The following SH3RF3 variants were observed in gnomAD, a reference collection of about 807,000 sequenced individuals.
SH3RF3 encodes the protein SH3 domain containing ring finger 3, also known as E3 ubiquitin-protein ligase SH3RF3.
Under a neutral mutation model 66.3 loss-of-function variants are expected in SH3RF3, and 29 were observed. The ratio of observed to expected loss-of-function variants is 0.44; its 90% CI spans 0.33 to 0.60. The LOEUF is 0.60. Among genes scored for constraint, SH3RF3 ranks in the 20% least tolerant of loss-of-function variants. The pLI is 0.04. For missense variants in SH3RF3, 1,194 were observed against 1,190.9 expected (o/e 1.00, Z -0.04); for synonymous variants, 583 against 532.0 (o/e 1.10, Z -1.32).
At chr2:109,185,823 G>A (rs1322927938) in intron 1 of SH3RF3, among the ~76,000 whole-genome samples, 8 of 152,220 alleles carry the variant, frequency 5.3e-5, no homozygotes, top group African/African-American at 1.4e-4. Context: ...GGCACTGTAG[G>A]AGAAATGAGG....
At chr2:109,434,814 A>C (rs977315904) in intron 6 of SH3RF3, among the ~76,000 whole-genome samples, 1 of 152,240 alleles carries the variant, frequency 6.6e-6, no homozygotes, top group Non-Finnish European at 1.5e-5. Flanking sequence ...GGCTCCTTGC[A>C]TACCATGTTC....
At chr2:109,145,838 C>T (rs1329779711) in intron 1 of SH3RF3, among the ~76,000 whole-genome samples, 1 of 152,122 alleles carries the variant, frequency 6.6e-6, no homozygotes, top group Admixed American at 6.5e-5. Flanking sequence ...TTCCACATCA[C>T]CAGGCTGAAA....
chr2:109,269,141 G>A (rs950803387), intron 1 of SH3RF3, among the ~76,000 whole-genome samples: 2 of 152,316 alleles, frequency 1.3e-5, no homozygotes, highest in African/African-American at 4.8e-5. Flanking sequence ...GGAAGCGTGG[G>A]CATCATAGGC....
rs142026613 is a variant in SH3RF3 at position 109,293,790 on chromosome 2, C to T, written c.574-53884C>T. Among the ~76,000 whole-genome samples the T allele has an allele frequency of 2.1e-4, 32 of 152,328 alleles. 1 individual carries two copies. Among genetic ancestry groups the T allele is most frequent in the Admixed American group, 1.0e-3 (16 of 15,308 alleles). On this transcript the variant is annotated intron_variant, in intron 1 of 9. Coordinates refer to ENST00000309415, the MANE Select transcript of SH3RF3 (RefSeq NM_001099289.3). ...GCACCCTCTCCCAGCTGTAGGTGAA[C>T]GCTGGGGTTTTGTTACAGATCAGGA... is the stretch of plus-strand genomic sequence containing the variant.
intron 8 of SH3RF3, among the ~76,000 whole-genome samples, chr2:109,484,067 CTTTTT>C (rs562496561): frequency 9.9e-4 from 93 of 94,330 alleles, no homozygotes; most frequent in East Asian, 5.2e-3. Context: ...TCTGGCCTTT[CTTTTT>C]TTTTTTTTTT....
chr2:109,446,337 G>C (rs13412224), intron 7 of SH3RF3, among the ~76,000 whole-genome samples: 14,383 of 152,210 alleles, frequency 0.094, 2,163 homozygotes, highest in African/African-American at 0.31. Context: ...ACATGCCAGG[G>C]ACCATTGCGG....
At chr2:109,353,918 G>A (rs1471166025) in intron 2 of SH3RF3, among the ~76,000 whole-genome samples, 2 of 152,156 alleles carry the variant, frequency 1.3e-5, no homozygotes, top group Non-Finnish European at 2.9e-5. Context: ...TCCCTCTGGA[G>A]TTCAGATACG....
chr2:109,488,575 C>A (rs1480156069), intron 8 of SH3RF3, among the ~76,000 whole-genome samples: 3 of 152,222 alleles, frequency 2.0e-5, no homozygotes, highest in Non-Finnish European at 4.4e-5. Context: ...CACTCAGATC[C>A]CAGGGTTCTG....
At chr2:109,235,749 C>T (rs1364786144) in intron 1 of SH3RF3, among the ~76,000 whole-genome samples, 3 of 152,230 alleles carry the variant, frequency 2.0e-5, no homozygotes, top group Admixed American at 6.5e-5. Flanking sequence ...CTGATGACAA[C>T]ACTTGTTAGA....
At chr2:109,444,970 G>A (rs941905721) in intron 7 of SH3RF3, among the ~76,000 whole-genome samples, 2 of 152,116 alleles carry the variant, frequency 1.3e-5, no homozygotes, top group African/African-American at 4.8e-5. Context: ...AAAAATAGGT[G>A]GATGGCTATG....
chr2:109,491,012 A>T, intron 9 of SH3RF3, 76 bp downstream of exon 9: 1 of 1,330,410 alleles, frequency 7.5e-7, no homozygotes, highest in Non-Finnish European at 9.8e-7. Flanking sequence ...TTCGGGGAGC[A>T]GGGACACTGT....
chr2:109,260,260 T>TGA (rs1244376149), intron 1 of SH3RF3, among the ~76,000 whole-genome samples: 1 of 152,154 alleles, frequency 6.6e-6, no homozygotes, highest in Non-Finnish European at 1.5e-5. Flanking sequence ...CCATGCAAAC[T>TGA]GACGCCTAAA....
At chr2:109,474,382 G>A (rs566910028) in intron 8 of SH3RF3, among the ~76,000 whole-genome samples, 11 of 152,242 alleles carry the variant, frequency 7.2e-5, no homozygotes, top group South Asian at 6.2e-4. Flanking sequence ...AGCTAGCTGC[G>A]TCTAACAAAG....
intron 1 of SH3RF3, among the ~76,000 whole-genome samples, chr2:109,225,943 CAA>C (rs1489208068): frequency 6.6e-6 from 1 of 152,160 alleles, no homozygotes; most frequent in African/African-American, 2.4e-5. Context: ...AGTTTGCTTT[CAA>C]AGAGTCCCTA....
chr2:109,414,991 C>T (rs1448372086), intron 4 of SH3RF3, among the ~76,000 whole-genome samples: 1 of 152,214 alleles, frequency 6.6e-6, no homozygotes, highest in Non-Finnish European at 1.5e-5. Flanking sequence ...CCACCGCAGC[C>T]ACAAAGGCCC....
At chr2:109,292,554 T>C (rs940733765) in intron 1 of SH3RF3, among the ~76,000 whole-genome samples, 14 of 152,236 alleles carry the variant, frequency 9.2e-5, no homozygotes, top group Non-Finnish European at 1.9e-4. Context: ...TTCTCTACTT[T>C]AAATGACATC....
intron 1 of SH3RF3, among the ~76,000 whole-genome samples, chr2:109,142,042 C>G (rs1351569612): frequency 1.9e-4 from 22 of 112,886 alleles, no homozygotes; most frequent in Admixed American, 1.8e-3. Context: ...CTTGAGTCTC[C>G]TGGGGGGGGG....
chr2:109,193,104 G>A (rs1678408120), intron 1 of SH3RF3, among the ~76,000 whole-genome samples: 1 of 152,166 alleles, frequency 6.6e-6, no homozygotes, highest in Admixed American at 6.5e-5. Context: ...AAATTATGAA[G>A]GAACATTCTT....
At chr2:109,360,063 C>CAAA (rs35020112) in intron 2 of SH3RF3, among the ~76,000 whole-genome samples, 1 of 135,152 alleles carries the variant, frequency 7.4e-6, no homozygotes. Flanking sequence ...TTCCTTGCAC[C>CAAA]AAAAAAAAAA....
Sources: gnomAD v4.1 joint callset for allele counts (sites outside exome capture counted in the v4.1 genomes callset) on GRCh38, gnomAD v4.1.1 for gene constraint, MANE v1.5 for transcripts, NCBI Gene and HGNC (gene_info 2026-07-23, HGNC 2026-07-21) for gene names.